Variants in RASEF observed in about 807,000 individuals in gnomAD.
RASEF encodes the protein ras and EF-hand domain-containing protein.
RASEF carries 68 observed loss-of-function variants against 90.1 expected under a neutral mutation model. The observed-to-expected ratio is 0.75, with a 90% CI of 0.62 to 0.92. The LOEUF is 0.92. RASEF is among the 40% of genes least tolerant of loss of function. The pLI is 0.00. For missense variants in RASEF, 949 were observed against 937.2 expected, an observed-to-expected ratio of 1.01 and a Z score of -0.16; for synonymous variants, 331 against 345.2, an observed-to-expected ratio of 0.96 and a Z score of 0.46.
chr9:83,030,145 T>C (rs950302439), intron 1 of RASEF, among the ~76,000 whole-genome samples: 4 of 152,082 alleles, frequency 2.6e-5, no homozygotes, highest in Admixed American at 6.5e-5. Flanking sequence ...TCACCTGAGG[T>C]CAGGAGTTCG....
At chr9:83,125,705 G>C in the RASEF span, among the ~76,000 whole-genome samples, 79 of 152,240 alleles carry the variant, frequency 5.2e-4, no homozygotes, top group African/African-American at 1.8e-3. Context: ...AAGACTAACA[G>C]TAGGACCCCA....
the RASEF span, among the ~76,000 whole-genome samples, chr9:83,148,075 C>G: frequency 6.6e-6 from 1 of 151,878 alleles, no homozygotes; most frequent in Admixed American, 6.6e-5. Context: ...GAGGAATGCC[C>G]GTTCCCATCT....
At chr9:83,015,044 C>CA (rs1438185132) in intron 4 of RASEF, among the ~76,000 whole-genome samples, 2 of 152,194 alleles carry the variant, frequency 1.3e-5, no homozygotes. Context: ...TGCTCTTCTT[C>CA]AAAAACTAGT....
At chr9:83,180,034 G>A in the RASEF span, among the ~76,000 whole-genome samples, 7 of 136,336 alleles carry the variant, frequency 5.1e-5, no homozygotes, top group Non-Finnish European at 1.2e-4. Context: ...TACACCCTTA[G>A]AGAGTGCATT....
chr9:83,093,084 C>T, the RASEF span, among the ~76,000 whole-genome samples: 7 of 151,924 alleles, frequency 4.6e-5, no homozygotes, highest in Non-Finnish European at 1.0e-4. Flanking sequence ...GATTGGTGCG[C>T]TCACAAACCC....
chr9:83,212,713 C>G, the RASEF span, among the ~76,000 whole-genome samples: 1 of 152,198 alleles, frequency 6.6e-6, no homozygotes, highest in Non-Finnish European at 1.5e-5. Context: ...TACATGCCAC[C>G]TATAGGCATG....
chr9:83,156,115 A>G, the RASEF span, among the ~76,000 whole-genome samples: 1 of 152,190 alleles, frequency 6.6e-6, no homozygotes, highest in Admixed American at 6.5e-5. Context: ...TCCTTGTCTC[A>G]CACAATTACA....
At chr9:83,105,824 C>T in the RASEF span, among the ~76,000 whole-genome samples, 1 of 152,090 alleles carries the variant, frequency 6.6e-6, no homozygotes, top group Non-Finnish European at 1.5e-5. Flanking sequence ...GGTTATAAGA[C>T]TCAATAATAA....
At chr9:83,098,218 G>T in the RASEF span, among the ~76,000 whole-genome samples, 1 of 152,116 alleles carries the variant, frequency 6.6e-6, no homozygotes, top group African/African-American at 2.4e-5. Flanking sequence ...ATTTTATATG[G>T]AGTTGGCTGT....
At chr9:83,044,463 T>A (rs1815848685) in intron 1 of RASEF, among the ~76,000 whole-genome samples, 1 of 151,988 alleles carries the variant, frequency 6.6e-6, no homozygotes, top group South Asian at 2.1e-4. Flanking sequence ...CAGAGGGGCA[T>A]CTCAGAGCCA....
chr9:83,087,562 C>T, the RASEF span, among the ~76,000 whole-genome samples: 1 of 151,908 alleles, frequency 6.6e-6, no homozygotes, highest in East Asian at 1.9e-4. Context: ...AATTTCTTGG[C>T]ATGTGATTGT....
At chr9:83,142,218 C>G in the RASEF span, among the ~76,000 whole-genome samples, 14 of 152,184 alleles carry the variant, frequency 9.2e-5, no homozygotes, top group Non-Finnish European at 1.8e-4. Flanking sequence ...AACAATCACA[C>G]TGAAATCAAG....
the RASEF span, among the ~76,000 whole-genome samples, chr9:83,164,357 A>ATATATATATATATATATATG: frequency 6.9e-6 from 1 of 145,910 alleles, no homozygotes; most frequent in South Asian, 2.1e-4. Flanking sequence ...GTATATATAT[A>ATATATATATATATATATATG]TATATATATA....
the RASEF span, among the ~76,000 whole-genome samples, chr9:83,198,943 C>T: frequency 6.6e-6 from 1 of 151,914 alleles, no homozygotes; most frequent in Non-Finnish European, 1.5e-5. Context: ...AAAGAACTGC[C>T]ACAAAAGCCA....
intron 7 of RASEF, among the ~76,000 whole-genome samples, chr9:83,007,070 G>A (rs1216889768): frequency 2.7e-5 from 4 of 147,432 alleles, no homozygotes; most frequent in African/African-American, 1.0e-4. Context: ...CTTCAGCCTG[G>A]GTGACAGGGC....
the RASEF span, among the ~76,000 whole-genome samples, chr9:83,140,661 T>C: frequency 6.6e-6 from 1 of 152,200 alleles, no homozygotes; most frequent in Non-Finnish European, 1.5e-5. Context: ...AGGAAAATTA[T>C]ATAAATACAA....
the RASEF span, among the ~76,000 whole-genome samples, chr9:83,120,138 T>G: frequency 2.0e-5 from 3 of 152,336 alleles, no homozygotes; most frequent in East Asian, 5.8e-4. Context: ...AGGAATTATC[T>G]GTCATCAACT....
chr9:83,005,534 A>T, intron 7 of RASEF, 34 bp from the exon 8 acceptor site: 1 of 1,498,474 alleles, frequency 6.7e-7, no homozygotes, highest in African/African-American at 1.4e-5. Flanking sequence ...AAAGAGAGAC[A>T]AGGAAAGTAT....
chr9:83,061,874 C>T (rs2117923276), intron 1 of RASEF, among the ~76,000 whole-genome samples: 1 of 152,336 alleles, frequency 6.6e-6, no homozygotes, highest in South Asian at 2.1e-4. Context: ...ATAAGCTAGC[C>T]TACCTTCTAG....
Sources: gnomAD v4.1 joint callset for allele counts (sites outside exome capture counted in the v4.1 genomes callset) on GRCh38, gnomAD v4.1.1 for gene constraint, MANE v1.5 for transcripts, NCBI Gene and HGNC (gene_info 2026-07-23, HGNC 2026-07-21) for gene names.